The following UGCG variants were observed in gnomAD, a reference collection of about 807,000 sequenced individuals.
The protein encoded by UGCG is UDP-glucose ceramide glucosyltransferase.
In UGCG, 10 loss-of-function variants were observed where a neutral mutation model predicts 49.5. The ratio of observed to expected loss-of-function variants is 0.20; its 90% CI spans 0.12 to 0.34. UGCG has a LOEUF of 0.34. Ranked by LOEUF, UGCG falls within the 10% of genes least tolerant of loss-of-function variation. UGCG has a pLI of 1.00. For synonymous variants in UGCG, 182 were observed against 158.2 expected (o/e 1.15, Z -1.13); for missense variants, 312 against 483.7 (o/e 0.65, Z 3.33).
At chr9:111,906,550 C>G (rs1162523566) in intron 1 of UGCG, among the ~76,000 whole-genome samples, 1 of 152,202 alleles carries the variant, frequency 6.6e-6, no homozygotes, top group African/African-American at 2.4e-5. Flanking sequence ...CTGCCTCAGC[C>G]TCCCGACTAG....
intron 7 of UGCG, 77 bp downstream of exon 7, chr9:111,931,434 G>A: frequency 1.5e-6 from 2 of 1,343,924 alleles, no homozygotes; most frequent in South Asian, 1.3e-5. Context: ...CAGGTTTAAT[G>A]TAGTTAAATG....
At chr9:111,922,197 A>G (rs2118570165) in intron 2 of UGCG, among the ~76,000 whole-genome samples, 1 of 152,286 alleles carries the variant, frequency 6.6e-6, no homozygotes, top group Non-Finnish European at 1.5e-5. Context: ...AGCACTGGGC[A>G]AAATAAAGTT....
At chr9:111,915,900 T>C in intron 2 of UGCG, 4 of 930,972 alleles carry the variant, frequency 4.3e-6, no homozygotes, top group Non-Finnish European at 5.1e-6. Flanking sequence ...CTTTGGAGTT[T>C]TGGAGTTTAG....
rs577841075 is a variant in UGCG at position 111,931,305 on chromosome 9, A to G, written c.772A>G (p.Met258Val). Residue 258 changes from methionine to valine, a missense_variant, in exon 7 of 9, where the codon ATG (methionine) becomes GTG (valine). By Grantham distance (21) the Met-to-Val change is conservative (BLOSUM62 1). Around this residue, in one of 4 missense-constraint regions of UGCG, gnomAD observed 180 missense variants for 320.4 expected, o/e 0.56. Transcript: ENST00000374279. The stretch of plus-strand genomic sequence containing the variant: ...GTTTGCAATGTCCACTCAAGTTGCA[A>G]TGCAAAACTCTGGCTCATATTCAAT... ...WRFAMSTQVA[M>V]QNSGSYSISQ... 12 of 1,613,998 alleles carry G rather than the reference A, an allele frequency of 7.4e-6. No individual in the cohort carries two copies. The highest frequency in any genetic ancestry group is 3.3e-5 in the South Asian group (3 of 91,076).
At chr9:111,907,508 T>C (rs62573860) in intron 1 of UGCG, among the ~76,000 whole-genome samples, 2,842 of 152,354 alleles carry the variant, frequency 0.019, 37 homozygotes, top group Non-Finnish European at 0.03. Flanking sequence ...ATTTTCCTGA[T>C]TCTTTGCATG....
chr9:111,923,345 G>A (rs974258582), intron 3 of UGCG, among the ~76,000 whole-genome samples: 4 of 143,886 alleles, frequency 2.8e-5, no homozygotes, highest in Non-Finnish European at 6.0e-5. Context: ...GACTTGTAGA[G>A]GTGTGTTTGC....
chr9:111,906,947 T>A (rs1391241680), intron 1 of UGCG, among the ~76,000 whole-genome samples: 3 of 152,228 alleles, frequency 2.0e-5, no homozygotes, highest in African/African-American at 7.2e-5. Flanking sequence ...GTCTGTGAAG[T>A]CACGAAGAAT....
At chr9:111,926,855 C>A (rs1589528590) in intron 5 of UGCG, among the ~76,000 whole-genome samples, 1 of 146,880 alleles carries the variant, frequency 6.8e-6, no homozygotes, top group East Asian at 1.9e-4. Flanking sequence ...GCCCCCTCCC[C>A]CCAGCCTTTT....
chr9:111,926,280 T>A (rs533957709), intron 4 of UGCG, 104 bp from the exon 5 acceptor site: 131 of 656,334 alleles, frequency 2.0e-4, no homozygotes, highest in Non-Finnish European at 3.0e-4. Flanking sequence ...TGTATTTTAT[T>A]AAGAATGTAA....
chr9:111,919,161 C>T, intron 2 of UGCG, among the ~76,000 whole-genome samples: 1 of 152,108 alleles, frequency 6.6e-6, no homozygotes, highest in Non-Finnish European at 1.5e-5. Flanking sequence ...TACTTATAAA[C>T]ATTTCCTTTC....
At chr9:111,914,540 G>C in intron 1 of UGCG, 65 bp from the exon 2 acceptor site, 1 of 1,477,696 alleles carries the variant, frequency 6.8e-7, no homozygotes, top group Non-Finnish European at 9.3e-7. Context: ...TTGATAGCTT[G>C]TCAGTGCTTT....
intron 1 of UGCG, among the ~76,000 whole-genome samples, chr9:111,905,444 C>A (rs1054801344): frequency 6.6e-6 from 1 of 151,660 alleles, no homozygotes; most frequent in Non-Finnish European, 1.5e-5. Flanking sequence ...CTTTTAGTCT[C>A]CTTCATGCAT....
At chr9:111,911,774 C>T (rs1837998523) in intron 1 of UGCG, among the ~76,000 whole-genome samples, 1 of 151,098 alleles carries the variant, frequency 6.6e-6, no homozygotes, top group Admixed American at 6.6e-5. Context: ...TGGAGTGTAC[C>T]TGTTATCCTA....
chr9:111,914,758 G>C lies in UGCG; in HGVS notation c.240+12G>C. 6.3e-7 allele frequency: 1 copy of C among 1,591,628 alleles called. No individual in the cohort carries two copies. The highest frequency in any genetic ancestry group is 8.5e-7 in the Non-Finnish European group (1 of 1,175,010). Reference sequence around the variant, plus strand: ...TGGATTATCCCAAAGTAAGTTCAGTGTTACGGTTTTTTGTTTTGTTTTGTT... The same window carrying C: ...TGGATTATCCCAAAGTAAGTTCAGTCTTACGGTTTTTTGTTTTGTTTTGTT... On this transcript the variant is annotated intron_variant, in intron 2 of 8. Coordinates refer to ENST00000374279, the MANE Select transcript of UGCG (RefSeq NM_003358.3).
intron 1 of UGCG, among the ~76,000 whole-genome samples, chr9:111,904,157 C>T (rs909742356): frequency 2.0e-5 from 3 of 152,232 alleles, no homozygotes; most frequent in Non-Finnish European, 2.9e-5. Context: ...TAGCCTAGAG[C>T]CCACAGTTCA....
Position 111,924,813 on chromosome 9 carries a change from AT to A in UGCG, c.383del (p.Leu128Ter). The part of the protein sequence containing the change: ...KKVGINPKIN[N>X]LMPGYEVAKY... ...GTTGGCATTAATCCTAAAATTAATAATTTAATGCCAGGATATGAAGTTGCAA... is the reference window on the plus strand; with the variant it reads ...GTTGGCATTAATCCTAAAATTAATAATTAATGCCAGGATATGAAGTTGCAA... On this transcript the variant is annotated frameshift_variant, in exon 4 of 9. Coordinates refer to ENST00000374279, the MANE Select transcript of UGCG (RefSeq NM_003358.3). LOFTEE classifies it high-confidence loss of function. 5 of 1,544,532 alleles carry A rather than the reference AT, an allele frequency of 3.2e-6. No individual in the cohort carries two copies. Among genetic ancestry groups the A allele is most frequent in the Non-Finnish European group, 4.3e-6 (5 of 1,152,272 alleles).
chr9:111,901,206 C>T (rs557264375), intron 1 of UGCG, among the ~76,000 whole-genome samples: 7 of 152,266 alleles, frequency 4.6e-5, no homozygotes, highest in South Asian at 2.1e-4. Context: ...AGGATAACTG[C>T]GATAAACTAC....
At position 111,918,900 on chromosome 9, in the gene UGCG, G is replaced by A. The variant is rs1163537744; in HGVS notation, c.241-3949G>A. ...AGATCGCGCCACAGCACTCCCGCCT[G>A]GGCGACAGAACGAGACTCCGTCTCA... On this transcript the variant is annotated intron_variant, in intron 2 of 8. Coordinates refer to ENST00000374279, the MANE Select transcript of UGCG (RefSeq NM_003358.3). 2.0e-5 allele frequency among the ~76,000 whole-genome samples: 3 copies of A among 150,472 alleles called. No individual in the cohort carries two copies. In the East Asian group the frequency reaches 5.8e-4, roughly 29 times the overall value.
At chr9:111,924,452 A>G (rs931178138) in intron 3 of UGCG, among the ~76,000 whole-genome samples, 2 of 152,154 alleles carry the variant, frequency 1.3e-5, no homozygotes, top group African/African-American at 2.4e-5. Flanking sequence ...ATTTTCAAGT[A>G]TACCATACAT....
Sources: gnomAD v4.1 joint callset for allele counts (sites outside exome capture counted in the v4.1 genomes callset) on GRCh38, gnomAD v4.1.1 for gene constraint, gnomAD v4.1.1 regional missense constraint, MANE v1.5 for transcripts, NCBI Gene and HGNC (gene_info 2026-07-23, HGNC 2026-07-21) for gene names.